Variants in PARP12 observed in about 807,000 individuals in gnomAD.
The protein encoded by PARP12 is poly(ADP-ribose) polymerase family member 12.
PARP12 carries 59 observed loss-of-function variants against 72.4 expected under a neutral mutation model. That is an observed-to-expected ratio of 0.81 (90% CI 0.66 to 1.01). The LOEUF (loss-of-function observed/expected upper bound fraction) is 1.01. Ranked by LOEUF, PARP12 falls within the 50% of genes least tolerant of loss-of-function variation. The probability of loss-of-function intolerance (pLI) is 0.00; values close to 1 mark genes in which losing one functional copy is unlikely to be tolerated. For missense variants in PARP12, 851 were observed against 914.0 expected (o/e 0.93, Z 0.89); for synonymous variants, 403 against 371.4 (o/e 1.09, Z -0.98).
intron 5 of PARP12, among the ~76,000 whole-genome samples, chr7:140,043,172 C>T (rs1050018843): frequency 1.3e-5 from 2 of 152,058 alleles, no homozygotes; most frequent in Admixed American, 1.3e-4. Flanking sequence ...CCAACTTGGG[C>T]GACAGAGTGA....
chr7:140,033,993 C>G, intron 8 of PARP12: 1 of 1,116,868 alleles, frequency 9.0e-7, no homozygotes, highest in Non-Finnish European at 1.1e-6. Context: ...TCTGTCTTCT[C>G]CAGAGAATCA....
intron 3 of PARP12, among the ~76,000 whole-genome samples, chr7:140,056,612 AC>A (rs1298214244): frequency 6.6e-6 from 1 of 152,152 alleles, no homozygotes; most frequent in Admixed American, 6.5e-5. Flanking sequence ...GAATTCACTC[AC>A]CATCAATACC....
intron 5 of PARP12, among the ~76,000 whole-genome samples, chr7:140,046,354 C>T (rs1361273466): frequency 9.9e-5 from 15 of 152,242 alleles, no homozygotes; most frequent in South Asian, 4.1e-4. Context: ...GAAGGCTATC[C>T]GGGAATCCCC....
rs35456446 is a variant in PARP12 at position 140,034,269 on chromosome 7, C to A, written c.1387G>T (p.Val463Leu). 1 of 1,612,846 alleles carries A rather than the reference C, an allele frequency of 6.2e-7. No individual in the cohort carries two copies. Among genetic ancestry groups the A allele is most frequent in the Admixed American group, 1.7e-5 (1 of 59,960 alleles). Residue 463 changes from valine (V) to leucine (L), a missense_variant, in exon 8 of 12, where the codon GTG (valine) becomes TTG (leucine). Transcript: ENST00000263549. ...TKKVCRRPKY[V>L]SPQDVTTMQT... ...ATGGTCGTCACATCCTGGGGAGACACGTATTTGGGTCTGCGGCAAACCTTT... is the reference window on the plus strand; with the variant it reads ...ATGGTCGTCACATCCTGGGGAGACAAGTATTTGGGTCTGCGGCAAACCTTT...
chr7:140,053,753 A>G (rs968763180), intron 4 of PARP12, among the ~76,000 whole-genome samples: 1 of 152,164 alleles, frequency 6.6e-6, no homozygotes, highest in Non-Finnish European at 1.5e-5. Context: ...ACTACTACAC[A>G]CTTGTTTTTA....
At position 140,037,751 on chromosome 7, in the gene PARP12, G is replaced by A; in HGVS notation, c.1288C>T (p.Gln430Ter). Residue 430 changes from glutamine to a stop codon, truncating the protein, a stop_gained, in exon 7 of 12, where the codon CAG (glutamine) becomes TAG (stop). Coordinates refer to ENST00000263549, the MANE Select transcript of PARP12 (RefSeq NM_022750.4). LOFTEE classifies it high-confidence loss of function. ...AACTCGTAGTTGTGCTTTCCGGCCT[G>A]GAACTTCAAGGTGGCTGCCTGGCCG... is the stretch of plus-strand genomic sequence containing the variant. ...SDGQAATLKF[Q>*]AGKHNYELDF... 6.2e-7 allele frequency: 1 copy of A among 1,614,234 alleles called. No individual in the cohort carries two copies. The highest frequency in any genetic ancestry group is 8.5e-7 in the Non-Finnish European group (1 of 1,180,030).
intron 5 of PARP12, 89 bp from the exon 6 acceptor site, chr7:140,041,928 C>T (rs112684765): frequency 1.7e-5 from 19 of 1,126,938 alleles, no homozygotes; most frequent in South Asian, 8.9e-5. Context: ...CTGGGAGATG[C>T]GAATAGTAAA....
At chr7:140,051,084 G>A (rs1816938558) in intron 4 of PARP12, among the ~76,000 whole-genome samples, 1 of 152,194 alleles carries the variant, frequency 6.6e-6, no homozygotes, top group African/African-American at 2.4e-5. Context: ...TGCTAATGAA[G>A]ACGGGGTTAC....
chr7:140,043,856 T>C (rs1007053685), intron 5 of PARP12, among the ~76,000 whole-genome samples: 9 of 152,172 alleles, frequency 5.9e-5, no homozygotes, highest in Non-Finnish European at 1.3e-4. Flanking sequence ...CATAATTAAA[T>C]TAACTGAAAT....
At chr7:140,036,540 G>A (rs1189719009) in intron 7 of PARP12, among the ~76,000 whole-genome samples, 5 of 152,098 alleles carry the variant, frequency 3.3e-5, no homozygotes, top group African/African-American at 1.2e-4. Flanking sequence ...CAAGTGCCAC[G>A]AAACCACAAG....
chr7:140,061,633 T>C (rs1329688926), intron 1 of PARP12, among the ~76,000 whole-genome samples: 1 of 152,172 alleles, frequency 6.6e-6, no homozygotes, highest in Non-Finnish European at 1.5e-5. Context: ...CCTGCCATTT[T>C]ACCCGCCCCA....
intron 5 of PARP12, among the ~76,000 whole-genome samples, chr7:140,042,767 C>T (rs146726694): frequency 1.1e-3 from 162 of 152,332 alleles, no homozygotes; most frequent in African/African-American, 3.6e-3. Flanking sequence ...ACTCATAAAC[C>T]ACTCAAGCCT....
chr7:140,062,892 G>A lies in PARP12; in HGVS notation c.-45C>T. 1 of 1,226,018 alleles carries A rather than the reference G, an allele frequency of 8.2e-7. No homozygotes were observed. Among genetic ancestry groups the A allele is most frequent in the Non-Finnish European group, 1.0e-6 (1 of 982,182 alleles). The allele number at this position is 1,226,018 out of a possible 1,614,324, so 75.9% of individuals were successfully genotyped here. On this transcript the variant is annotated 5_prime_UTR_variant, in exon 1 of 12. Transcript: ENST00000263549. ...GTCGGACCGCGGGTGGCGCGACGCG[G>A]ACGGCGGCGGACGCTGGCTGGCGGG...
intron 5 of PARP12, among the ~76,000 whole-genome samples, chr7:140,044,231 G>T (rs1569527590): frequency 6.6e-6 from 1 of 152,198 alleles, no homozygotes; most frequent in Non-Finnish European, 1.5e-5. Context: ...GTGTCCCCAA[G>T]AAGATATGCT....
intron 5 of PARP12, among the ~76,000 whole-genome samples, chr7:140,043,694 C>T (rs1413389536): frequency 6.6e-6 from 1 of 152,056 alleles, no homozygotes; most frequent in East Asian, 1.9e-4. Flanking sequence ...CCACGCCCAG[C>T]TAATTTTTGT....
chr7:140,042,079 G>A (rs543393535), intron 5 of PARP12, among the ~76,000 whole-genome samples: 8 of 152,292 alleles, frequency 5.3e-5, no homozygotes, highest in Middle Eastern at 3.4e-3. Flanking sequence ...ACAAAATGCC[G>A]AAGATGCTGG....
At position 140,056,883 on chromosome 7, in the gene PARP12, G is replaced by A. The variant is rs748661846; in HGVS notation, c.733C>T (p.Pro245Ser). Reference protein sequence around the residue: ...NKSSAPSRVPPLFVPQGTSER... With the variant: ...NKSSAPSRVPSLFVPQGTSER... ...GAAGTCCCCTGTGGGACAAAAAGAG[G>A]AGGCACTCTGCTGGGGGCAGAGCTC... The change falls in exon 3 of 12, where the codon CCT becomes TCT. Residue 245 changes from proline to serine, a missense_variant. Pro to Ser is a moderately conservative substitution (Grantham distance 74). Transcript: ENST00000263549. 1.2e-6 allele frequency: 2 copies of A among 1,610,434 alleles called. No homozygotes were observed. Among genetic ancestry groups the A allele is most frequent in the African/African-American group, 1.3e-5 (1 of 74,590 alleles).
At chr7:140,036,695 A>G (rs190409024) in intron 7 of PARP12, among the ~76,000 whole-genome samples, 2 of 152,330 alleles carry the variant, frequency 1.3e-5, no homozygotes, top group African/African-American at 2.4e-5. Context: ...ACTCCCTTAT[A>G]AAATGCTGAA....
intron 5 of PARP12, among the ~76,000 whole-genome samples, 160 bp downstream of exon 5, chr7:140,046,720 CAGTG>C (rs754668607): frequency 9.1e-6 from 1 of 109,562 alleles, no homozygotes; most frequent in Non-Finnish European, 1.8e-5. Context: ...AGGTGGCTCA[CAGTG>C]TGTGTGTGTG....
Sources: allele counts gnomAD v4.1 joint callset (sites outside exome capture counted in the v4.1 genomes callset), GRCh38; gene constraint gnomAD v4.1.1; transcripts MANE v1.5; gene names NCBI Gene and HGNC (gene_info 2026-07-23, HGNC 2026-07-21).